Variants in NEGR1 observed in about 807,000 individuals in gnomAD.
NEGR1 encodes the protein IgLON family member 4.
Under a neutral mutation model 40.9 loss-of-function variants are expected in NEGR1, and 10 were observed. The ratio of observed to expected loss-of-function variants is 0.24; its 90% CI spans 0.15 to 0.42. The LOEUF is 0.42. Among genes scored for constraint, NEGR1 ranks in the 10% least tolerant of loss-of-function variants. The pLI, the probability that NEGR1 is intolerant of heterozygous loss-of-function variation, is 1.00. For missense variants in NEGR1, 352 were observed against 438.9 expected (o/e 0.80, Z 1.77); for synonymous variants, 185 against 166.8 (o/e 1.11, Z -0.84).
intron 1 of NEGR1, among the ~76,000 whole-genome samples, chr1:72,143,872 TA>T (rs1173174714): frequency 3.7e-5 from 5 of 136,722 alleles, no homozygotes; most frequent in Admixed American, 7.9e-5. Context: ...ATATCATATA[TA>T]TCATATATTC....
chr1:71,917,909 C>A (rs929885921), intron 2 of NEGR1, among the ~76,000 whole-genome samples: 16 of 151,142 alleles, frequency 1.1e-4, no homozygotes, highest in Non-Finnish European at 1.9e-4. Flanking sequence ...GTGTGCTCTA[C>A]TGCAACGTTA....
At chr1:71,942,856 C>G (rs901901112) in intron 1 of NEGR1, among the ~76,000 whole-genome samples, 82 of 135,542 alleles carry the variant, frequency 6.0e-4, no homozygotes, top group African/African-American at 2.1e-3. Context: ...GGCTTGAGTA[C>G]AGTGGAACGA....
At position 71,954,618 on chromosome 1, in the gene NEGR1, T is replaced by C. The variant is rs142692491; in HGVS notation, c.177-19307A>G. Among the ~76,000 whole-genome samples, 25 of 152,186 alleles carry C rather than the reference T, an allele frequency of 1.6e-4. No individual in the cohort carries two copies. In the East Asian group the frequency reaches 4.4e-3, roughly 27 times the overall value. On this transcript the variant is annotated intron_variant, in intron 1 of 6. Coordinates refer to ENST00000357731, the MANE Select transcript of NEGR1 (RefSeq NM_173808.3). ...AAAAGAGTTCAGGATAATTCAAATATGTTATAAACTCAGATAATGAACTTT... is the reference window on the plus strand; with the variant it reads ...AAAAGAGTTCAGGATAATTCAAATACGTTATAAACTCAGATAATGAACTTT...
intron 4 of NEGR1, among the ~76,000 whole-genome samples, chr1:71,688,366 T>TATATATATATAAAA: frequency 3.3e-5 from 1 of 30,440 alleles, no homozygotes; most frequent in South Asian, 1.2e-3. Context: ...TATATATATA[T>TATATATATATAAAA]GAGATATATA....
intron 1 of NEGR1, among the ~76,000 whole-genome samples, chr1:72,198,403 T>C (rs1424816152): frequency 6.6e-6 from 1 of 152,106 alleles, no homozygotes; most frequent in Non-Finnish European, 1.5e-5. Flanking sequence ...AAGATGCACA[T>C]TGTCCTAGCA....
At chr1:71,923,218 A>G (rs1378158092) in intron 2 of NEGR1, among the ~76,000 whole-genome samples, 1 of 152,154 alleles carries the variant, frequency 6.6e-6, no homozygotes, top group Non-Finnish European at 1.5e-5. Context: ...TGAAAATTAA[A>G]GCATTTGTCT....
chr1:72,016,845 C>T (rs1405087273), intron 1 of NEGR1, among the ~76,000 whole-genome samples: 1 of 152,162 alleles, frequency 6.6e-6, no homozygotes, highest in East Asian at 1.9e-4. Context: ...CAGTTAATTA[C>T]AATTTCTGGA....
In NEGR1 at chr1:71,615,064, T is replaced by G. The variant is rs545698626; in HGVS notation, c.668-3918A>C. On this transcript the variant is annotated intron_variant, in intron 4 of 6. Transcript: ENST00000357731. ...TCCAAGTGTTGTGAAGTAATCAATG[T>G]GGAGAGAAGATTCTCATGAGGCTAT... Among the ~76,000 whole-genome samples, 5 of 152,318 alleles carry G rather than the reference T, an allele frequency of 3.3e-5. No homozygotes were observed. In the South Asian group the frequency reaches 1.0e-3, roughly 32 times the overall value.
intron 1 of NEGR1, among the ~76,000 whole-genome samples, chr1:71,954,980 A>T (rs1167449835): frequency 1.3e-5 from 2 of 152,172 alleles, no homozygotes; most frequent in Non-Finnish European, 2.9e-5. Flanking sequence ...TACATGAGGA[A>T]TAAATTTTAC....
chr1:71,868,539 T>C (rs1007449782), intron 2 of NEGR1, among the ~76,000 whole-genome samples: 12 of 152,024 alleles, frequency 7.9e-5, no homozygotes, highest in African/African-American at 2.9e-4. Flanking sequence ...ATATAAATAC[T>C]TTGCTAAAGT....
At chr1:71,846,781 C>T (rs1455067699) in intron 2 of NEGR1, among the ~76,000 whole-genome samples, 1 of 152,120 alleles carries the variant, frequency 6.6e-6, no homozygotes, top group East Asian at 1.9e-4. Context: ...TTGCTGCATC[C>T]TCACAGTGCG....
At chr1:72,008,684 T>C (rs1158645195) in intron 1 of NEGR1, among the ~76,000 whole-genome samples, 2 of 152,120 alleles carry the variant, frequency 1.3e-5, no homozygotes, top group Non-Finnish European at 2.9e-5. Context: ...TGTAATTACA[T>C]TGGTACAACA....
Position 71,899,943 on chromosome 1 carries a change from A to G in NEGR1, c.409+35136T>C, listed in dbSNP as rs1661100296. 2.0e-5 allele frequency among the ~76,000 whole-genome samples: 3 copies of G among 152,176 alleles called. No homozygotes were observed. The South Asian group carries it at 6.2e-4, about 31-fold the overall frequency. ...GAACTTTTGTTAACATTTCCACTGGAGTATTTGGGAATATTCGCCAAGAGT... is the reference window on the plus strand; with the variant it reads ...GAACTTTTGTTAACATTTCCACTGGGGTATTTGGGAATATTCGCCAAGAGT... On this transcript the variant is annotated intron_variant, in intron 2 of 6. Coordinates refer to ENST00000357731, the MANE Select transcript of NEGR1 (RefSeq NM_173808.3).
At chr1:71,723,376 T>C (rs1458986522) in intron 3 of NEGR1, among the ~76,000 whole-genome samples, 1 of 152,110 alleles carries the variant, frequency 6.6e-6, no homozygotes, top group African/African-American at 2.4e-5. Context: ...GCTGCTCAGC[T>C]AAAAGATCAA....
At chr1:71,522,532 G>T (rs1248032328) in intron 6 of NEGR1, among the ~76,000 whole-genome samples, 1 of 151,714 alleles carries the variant, frequency 6.6e-6, no homozygotes, top group Non-Finnish European at 1.5e-5. Context: ...CAAAAAAAGT[G>T]CTATGAATGA....
rs925709564 is a variant in NEGR1 at position 71,402,938 on chromosome 1, G to C, written c.*4508C>G. 2.6e-5 allele frequency: 4 copies of C among 152,114 alleles called. No individual in the cohort carries two copies. The highest frequency in any genetic ancestry group is 5.9e-5 in the Non-Finnish European group (4 of 67,968). 9.4% of individuals were successfully genotyped at this position (152,114 alleles called of 1,614,324 possible). The stretch of plus-strand genomic sequence containing the variant: ...TGTTGAAAAGGGAAGAAATAATGAA[G>C]CTGTGGGGGAAATCAGACATTTATT... On this transcript the variant is annotated 3_prime_UTR_variant, in exon 7 of 7. Coordinates refer to ENST00000357731, the MANE Select transcript of NEGR1 (RefSeq NM_173808.3).
intron 3 of NEGR1, among the ~76,000 whole-genome samples, chr1:71,743,704 G>A (rs1276013131): frequency 6.6e-6 from 1 of 152,120 alleles, no homozygotes; most frequent in Non-Finnish European, 1.5e-5. Flanking sequence ...CTGTGTCAGT[G>A]TGGCTGAAGA....
At chr1:72,218,047 G>T (rs887911332) in intron 1 of NEGR1, among the ~76,000 whole-genome samples, 4 of 151,796 alleles carry the variant, frequency 2.6e-5, no homozygotes, top group Non-Finnish European at 5.9e-5. Flanking sequence ...GATTTTTCCT[G>T]TTATAATTAG....
intron 6 of NEGR1, among the ~76,000 whole-genome samples, chr1:71,488,527 A>G (rs1034580227): frequency 1.3e-5 from 2 of 151,760 alleles, no homozygotes; most frequent in South Asian, 2.1e-4. Flanking sequence ...ATGGTCTTCA[A>G]AGTTATCATT....
Sources: gnomAD v4.1 joint callset for allele counts (sites outside exome capture counted in the v4.1 genomes callset) on GRCh38, gnomAD v4.1.1 for gene constraint, MANE v1.5 for transcripts, NCBI Gene and HGNC (gene_info 2026-07-23, HGNC 2026-07-21) for gene names.